The following CACNA2D3 variants were observed in gnomAD, a reference collection of about 807,000 sequenced individuals.
CACNA2D3 encodes the protein voltage-dependent calcium channel subunit alpha-2/delta-3.
A neutral mutation model predicts 160.6 loss-of-function variants in CACNA2D3; 60 were observed. The ratio of observed to expected loss-of-function variants is 0.37; its 90% CI spans 0.30 to 0.46. The LOEUF is 0.46. Ranked by LOEUF, CACNA2D3 falls within the 20% of genes least tolerant of loss-of-function variation. The pLI, the probability that CACNA2D3 is intolerant of heterozygous loss-of-function variation, is 1.00. For synonymous variants in CACNA2D3, 558 were observed against 492.9 expected, an observed-to-expected ratio of 1.13 and a Z score of -1.75; for missense variants, 1,205 against 1,365.0, an observed-to-expected ratio of 0.88 and a Z score of 1.85.
intron 31 of CACNA2D3, among the ~76,000 whole-genome samples, chr3:54,999,265 G>A (rs1193359969): frequency 6.6e-6 from 1 of 152,120 alleles, no homozygotes; most frequent in Non-Finnish European, 1.5e-5. Flanking sequence ...CTATCAACAG[G>A]TTGAGCCTTC....
intron 27 of CACNA2D3, among the ~76,000 whole-genome samples, chr3:54,940,071 C>G (rs1432539655): frequency 6.6e-6 from 1 of 152,148 alleles, no homozygotes; most frequent in South Asian, 2.1e-4. Context: ...ACAGCCTTCC[C>G]ACTGGACAGC....
chr3:54,169,938 C>T (rs995522619), intron 2 of CACNA2D3, among the ~76,000 whole-genome samples: 2 of 151,956 alleles, frequency 1.3e-5, no homozygotes, highest in Non-Finnish European at 1.5e-5. Flanking sequence ...CTGTAATCCC[C>T]GCAGTATGGG....
intron 27 of CACNA2D3, among the ~76,000 whole-genome samples, chr3:54,953,160 G>C (rs576916125): frequency 6.6e-6 from 1 of 152,238 alleles, no homozygotes; most frequent in Admixed American, 6.5e-5. Context: ...TATGTGCCTG[G>C]CACTGTGCTA....
At chr3:54,925,475 C>T (rs1344448460) in intron 27 of CACNA2D3, among the ~76,000 whole-genome samples, 1 of 152,000 alleles carries the variant, frequency 6.6e-6, no homozygotes, top group South Asian at 2.1e-4. Flanking sequence ...TCTTCTGATT[C>T]GGAAGATGGA....
In CACNA2D3 at chr3:54,341,792, C is replaced by G. The variant is rs78741349; in HGVS notation, c.321+21234C>G. 1.2e-3 allele frequency among the ~76,000 whole-genome samples: 188 copies of G among 152,282 alleles called. 1 individual carries two copies. Among genetic ancestry groups the G allele is most frequent in the African/African-American group, 4.2e-3 (174 of 41,572 alleles). ...TATGAGACCTCCAGAGTGTATGTAA[C>G]TAACTGCACTCCTTCAAGCTAGAGT... On this transcript the variant is annotated intron_variant, in intron 3 of 37. Coordinates refer to ENST00000474759, the MANE Select transcript of CACNA2D3 (RefSeq NM_018398.3).
At chr3:54,593,721 G>A (rs1419670071) in intron 9 of CACNA2D3, among the ~76,000 whole-genome samples, 2 of 152,116 alleles carry the variant, frequency 1.3e-5, no homozygotes, top group Admixed American at 6.5e-5. Context: ...TTGCACATGA[G>A]CTGATTTGTG....
chr3:54,355,546 A>C (rs1308134437), intron 3 of CACNA2D3, among the ~76,000 whole-genome samples: 2 of 152,154 alleles, frequency 1.3e-5, no homozygotes, highest in African/African-American at 2.4e-5. Flanking sequence ...TGTGTTGGCC[A>C]TGGGGGAGCA....
At chr3:54,501,976 T>C (rs940846690) in intron 4 of CACNA2D3, among the ~76,000 whole-genome samples, 17 of 152,258 alleles carry the variant, frequency 1.1e-4, no homozygotes, top group African/African-American at 3.6e-4. Flanking sequence ...CTGGATGGCT[T>C]CTGAAGAGAA....
At chr3:54,306,069 C>T (rs1703592904) in intron 2 of CACNA2D3, among the ~76,000 whole-genome samples, 1 of 151,768 alleles carries the variant, frequency 6.6e-6, no homozygotes, top group South Asian at 2.1e-4. Flanking sequence ...TTAATATAAT[C>T]AGTTTCTTTC....
chr3:54,422,145 A>G (rs894725808), intron 4 of CACNA2D3, among the ~76,000 whole-genome samples: 5 of 152,210 alleles, frequency 3.3e-5, no homozygotes, highest in African/African-American at 1.2e-4. Context: ...AAAGCAGTTA[A>G]TTGAACCTGG....
intron 12 of CACNA2D3, among the ~76,000 whole-genome samples, chr3:54,762,151 A>C (rs1299681174): frequency 1.3e-5 from 2 of 152,074 alleles, no homozygotes; most frequent in Non-Finnish European, 2.9e-5. Flanking sequence ...TATAGGATAA[A>C]GTCTAAACTC....
chr3:54,462,199 A>C (rs143977137), intron 4 of CACNA2D3, among the ~76,000 whole-genome samples: 1 of 152,106 alleles, frequency 6.6e-6, no homozygotes, highest in Admixed American at 6.6e-5. Context: ...ACTTCCCAGT[A>C]TGTGGTCCAT....
intron 17 of CACNA2D3, among the ~76,000 whole-genome samples, chr3:54,847,256 G>T (rs1526591): frequency 0.99 from 150,506 of 152,382 alleles, 74,335 homozygotes; most frequent in Middle Eastern, 1. Flanking sequence ...TGTGTACTTA[G>T]CTAATTTTTA....
intron 9 of CACNA2D3, among the ~76,000 whole-genome samples, chr3:54,586,946 G>T (rs924486538): frequency 5.9e-5 from 9 of 151,552 alleles, no homozygotes; most frequent in African/African-American, 2.2e-4. Flanking sequence ...AGTCTTAAAA[G>T]AAATTAAAAA....
chr3:54,519,597 C>A (rs959042963), intron 5 of CACNA2D3, among the ~76,000 whole-genome samples: 2 of 152,262 alleles, frequency 1.3e-5, no homozygotes, highest in African/African-American at 4.8e-5. Flanking sequence ...AATATCTTTT[C>A]CTATTCTAAG....
intron 9 of CACNA2D3, among the ~76,000 whole-genome samples, chr3:54,622,572 G>A (rs1367071136): frequency 9.1e-6 from 1 of 110,346 alleles, no homozygotes; most frequent in African/African-American, 4.1e-5. Flanking sequence ...ACTGCACCTG[G>A]CCAGTTTTTG....
At chr3:54,638,896 T>G (rs1198988313) in intron 10 of CACNA2D3, 1 of 151,866 alleles carries the variant, frequency 6.6e-6, no homozygotes. Context: ...TTGAAGAGAT[T>G]TTAAGTTCTT....
intron 27 of CACNA2D3, among the ~76,000 whole-genome samples, chr3:54,934,069 C>A (rs754584353): frequency 4.6e-5 from 7 of 152,182 alleles, no homozygotes; most frequent in Non-Finnish European, 7.3e-5. Context: ...TTGTGCCCAT[C>A]CATGATGTTA....
chr3:55,033,684 TA>T (rs1703728428), intron 35 of CACNA2D3, among the ~76,000 whole-genome samples: 2 of 93,112 alleles, frequency 2.1e-5, no homozygotes, highest in Admixed American at 1.3e-4. Context: ...TAAATGTGTA[TA>T]TATACCCTTA....
Sources: gnomAD v4.1 joint callset for allele counts (sites outside exome capture counted in the v4.1 genomes callset) on GRCh38, gnomAD v4.1.1 for gene constraint, MANE v1.5 for transcripts, NCBI Gene and HGNC (gene_info 2026-07-23, HGNC 2026-07-21) for gene names.